The following DIDO1 variants were observed in gnomAD, a reference collection of about 807,000 sequenced individuals.
DIDO1 encodes the protein death inducer-obliterator 1.
A neutral mutation model predicts 99.4 loss-of-function variants in DIDO1; 16 were observed. That is an observed-to-expected ratio of 0.16 (90% CI 0.11 to 0.24). The LOEUF is 0.24. Among genes scored for constraint, DIDO1 ranks in the 10% least tolerant of loss-of-function variants. The probability of loss-of-function intolerance (pLI) is 1.00; values close to 1 mark genes in which losing one functional copy is unlikely to be tolerated. For synonymous variants in DIDO1, 1,366 were observed against 1,239.1 expected, an observed-to-expected ratio of 1.10 and a Z score of -2.15; for missense variants, 2,996 against 3,014.0, an observed-to-expected ratio of 0.99 and a Z score of 0.14.
In DIDO1 at chr20:62,909,813, A is replaced by T. The variant is rs760823584; in HGVS notation, c.1047T>A (p.Asp349Glu). ...KWRPGDADGT[D>E]CTSIGTIEQK... ...GCTCTATTGTTCCTATACTTGTACA[A>T]TCGGTGCCATCAGCATCTCCAGGTC... The change falls in exon 4 of 16, where the codon GAT (aspartate) becomes GAA (glutamate). Residue 349 changes from aspartate to glutamate, a missense_variant. Asp to Glu is a conservative substitution (Grantham distance 45). Coordinates refer to ENST00000395343, the MANE Select transcript of DIDO1 (RefSeq NM_001193369.2). 21 of 1,614,166 alleles carry T rather than the reference A, an allele frequency of 1.3e-5. No individual in the cohort carries two copies. The highest frequency in any genetic ancestry group is 1.7e-5 in the Non-Finnish European group (20 of 1,180,022).
Position 62,894,524 on chromosome 20 carries a change from C to A in DIDO1, c.2461G>T (p.Val821Phe). The A allele has an allele frequency of 6.2e-7, 1 of 1,612,686 alleles. No homozygotes were observed. The highest frequency in any genetic ancestry group is 1.1e-5 in the South Asian group (1 of 91,048). The change falls in exon 11 of 16, where the codon GTC becomes TTC. Residue 821 changes from valine (V) to phenylalanine (F), a missense_variant. By Grantham distance (50) the Val-to-Phe change is conservative. Around this residue, in one of 5 missense-constraint regions of DIDO1, gnomAD observed 898 missense variants for 972.7 expected, o/e 0.92. Transcript: ENST00000395343. This position sits in a 1 kb window ranked among gnomAD's most constrained non-coding sequence, Gnocchi z 4.4. The part of the protein sequence containing the change: ...SEEQQESARA[V>F]PEKSTAPLLD... ...AGCGGCGCTGTGCTCTTCTCAGGGA[C>A]AGCACGTGCTGACTCTTGCTGTTCC... is the stretch of plus-strand genomic sequence containing the variant.
chr20:62,909,695 T>C lies in DIDO1; in HGVS notation c.1161+4A>G. The stretch of plus-strand genomic sequence containing the variant: ...AATGCTCGTCTCAGCGGACAAACAC[T>C]TACAGGCTGGAAGATCTTGAGTTTC... On this transcript the variant is annotated splice_donor_region_variant and intron_variant, in intron 4 of 15. Coordinates refer to ENST00000395343, the MANE Select transcript of DIDO1 (RefSeq NM_001193369.2). 1 of 1,612,484 alleles carries C rather than the reference T, an allele frequency of 6.2e-7. No homozygotes were observed. The highest frequency in any genetic ancestry group is 8.5e-7 in the Non-Finnish European group (1 of 1,178,672).
chr20:62,911,049 C>T lies in DIDO1; in HGVS notation c.564G>A (p.Leu188=). 4 of 1,613,808 alleles carry T rather than the reference C, an allele frequency of 2.5e-6. No individual in the cohort carries two copies. The highest frequency in any genetic ancestry group is 3.4e-6 in the Non-Finnish European group (4 of 1,180,022). ...ERPLKGIQSR[L]RKKRREEGPA... ...GACCCTCCTCCCGGCGCTTCTTCCG[C>T]AGGCGACTCTGGATCCCTTTCAGGG... Residue 188 remains leucine (L), a synonymous_variant, in exon 3 of 16, where the codon CTG becomes CTA. Coordinates refer to ENST00000395343, the MANE Select transcript of DIDO1 (RefSeq NM_001193369.2). The surrounding 1 kb of genome is among the most constrained non-coding windows in gnomAD (Gnocchi z 7.0).
Position 62,904,363 on chromosome 20 carries a change from T to C in DIDO1, c.1588+1524A>G, listed in dbSNP as rs1288814363. On this transcript the variant is annotated intron_variant, in intron 6 of 15. Transcript: ENST00000395343. ...AAACAATGTAAGGTATCGAGATTCA[T>C]TATAATGCAGCAATTGCATGATTCA... Among the ~76,000 whole-genome samples, 4 of 152,226 alleles carry C rather than the reference T, an allele frequency of 2.6e-5. No homozygotes were observed. In the East Asian group the frequency reaches 5.8e-4, roughly 22 times the overall value.
At chr20:62,895,010 G>A (rs556906189) in intron 9 of DIDO1, 39 bp downstream of exon 9, 21 of 1,596,290 alleles carry the variant, frequency 1.3e-5, no homozygotes, top group Middle Eastern at 1.7e-4. Flanking sequence ...TATTAAGCTC[G>A]AGTCCTGGGT....
Position 62,896,658 on chromosome 20 carries a change from C to CCACT in DIDO1, c.1923_1926dup (p.Val643SerfsTer47). On this transcript the variant is annotated frameshift_variant, in exon 7 of 16. Coordinates refer to ENST00000395343, the MANE Select transcript of DIDO1 (RefSeq NM_001193369.2). LOFTEE classifies it high-confidence loss of function. This position sits in a 1 kb window ranked among gnomAD's most constrained non-coding sequence, Gnocchi z 4.4. ...GGCGAGGCCATTGGAACAGAAGGTA[C>CCACT]CACTGGCTTCCTTACGGCTCCCACC... 6.2e-7 allele frequency: 1 copy of CCACT among 1,614,112 alleles called. No individual in the cohort carries two copies. Among genetic ancestry groups the CCACT allele is most frequent in the Non-Finnish European group, 8.5e-7 (1 of 1,180,006 alleles).
chr20:62,884,036 G>C (rs2064255608), intron 15 of DIDO1, among the ~76,000 whole-genome samples: 1 of 152,072 alleles, frequency 6.6e-6, no homozygotes, highest in Non-Finnish European at 1.5e-5. Flanking sequence ...TTTGGGTTTA[G>C]AAATTCAGTG....
rs2064198004 is a variant in DIDO1, at chr20:62,881,190, G to A, written c.4766C>T (p.Ala1589Val). Residue 1589 changes from alanine to valine, a missense_variant, in exon 16 of 16, where the codon GCC (alanine) becomes GTC (valine). Around this residue, in one of 5 missense-constraint regions of DIDO1, gnomAD observed 1,562 missense variants for 1,412.6 expected, o/e 1.11. Transcript: ENST00000395343. The surrounding 1 kb of genome is among the most constrained non-coding windows in gnomAD (Gnocchi z 8.3). ...SRLSARGAQG[A>V]LPERDASRGG... ...CCTGGAAGCATCTCTCTCGGGCAGGGCACCCTGGGCACCACGTGCCGAGAG... is the reference window on the plus strand; with the variant it reads ...CCTGGAAGCATCTCTCTCGGGCAGGACACCCTGGGCACCACGTGCCGAGAG... The A allele has an allele frequency of 6.2e-7, 1 of 1,607,204 alleles. No homozygotes were observed.
chr20:62,922,113 C>T (rs945326744), intron 1 of DIDO1, among the ~76,000 whole-genome samples: 2 of 124,636 alleles, frequency 1.6e-5, no homozygotes, highest in Admixed American at 7.7e-5. Context: ...TATATATACA[C>T]ACACACACAC....
intron 15 of DIDO1, chr20:62,888,078 G>A: frequency 1.0e-6 from 1 of 985,588 alleles, no homozygotes; most frequent in Non-Finnish European, 1.2e-6. Flanking sequence ...AGGGCCAAGT[G>A]CTGACAGGGC....
chr20:62,917,290 C>CA (rs1443951743), intron 1 of DIDO1, among the ~76,000 whole-genome samples: 1 of 152,152 alleles, frequency 6.6e-6, no homozygotes, highest in Non-Finnish European at 1.5e-5. Flanking sequence ...CTCCGCCTTC[C>CA]AAAGTGCTGG....
chr20:62,879,473 G>C lies in DIDO1; in HGVS notation c.6483C>G (p.Arg2161=). 1 of 1,577,088 alleles carries C rather than the reference G, an allele frequency of 6.3e-7. No individual in the cohort carries two copies. The highest frequency in any genetic ancestry group is 8.6e-7 in the Non-Finnish European group (1 of 1,168,730). Residue 2161 remains arginine (R), a synonymous_variant, in exon 16 of 16, where the codon CGC becomes CGG. Coordinates refer to ENST00000395343, the MANE Select transcript of DIDO1 (RefSeq NM_001193369.2). The surrounding 1 kb of genome is among the most constrained non-coding windows in gnomAD (Gnocchi z 6.3). Reference sequence around the variant, plus strand: ...CCCACTCCTTGCCCCGGTCGGCCTCGCGCTCTCGGTCGCGGTTGGCGCTCC... The same window carrying C: ...CCCACTCCTTGCCCCGGTCGGCCTCCCGCTCTCGGTCGCGGTTGGCGCTCC... The part of the protein sequence containing the change: ...RERSANRDRE[R]EADRGKEWDR...
Position 62,920,671 on chromosome 20 carries a change from GC to G in DIDO1, c.-200+5767del, listed in dbSNP as rs574456028. 7.0e-4 allele frequency among the ~76,000 whole-genome samples: 106 copies of G among 152,344 alleles called. 1 individual carries two copies. The South Asian group carries it at 0.021, about 30-fold the overall frequency. On this transcript the variant is annotated intron_variant, in intron 1 of 15. Transcript: ENST00000395343. ...GGAGGCCCCCGGATCAAAGCAGTCTGCACAACACCAACATTCCATGCTGTTT... is the reference window on the plus strand; with the variant it reads ...GGAGGCCCCCGGATCAAAGCAGTCTGACAACACCAACATTCCATGCTGTTT...
chr20:62,894,893 G>C lies in DIDO1; in HGVS notation c.2353C>G (p.Leu785Val). 6.2e-7 allele frequency: 1 copy of C among 1,614,090 alleles called. No homozygotes were observed. The highest frequency in any genetic ancestry group is 8.5e-7 in the Non-Finnish European group (1 of 1,180,034). Residue 785 changes from leucine (L) to valine (V), a missense_variant, in exon 10 of 16, where the codon CTG becomes GTG. Physicochemically the swap from Leu to Val is conservative, Grantham distance 32 (BLOSUM62 1). Transcript: ENST00000395343. This position sits in a 1 kb window ranked among gnomAD's most constrained non-coding sequence, Gnocchi z 4.4. ...GCCGTCTTCTTGCTTTCATTGTGCA[G>C]TTTAGTTCTGGACTCCATCACCTGA... ...ARSVMESRTK[L>V]HNESKKTAPR... is the part of the protein sequence containing the mutation.
upstream of DIDO1, chr20:62,928,692 T>A (rs2065292708): frequency 6.6e-6 from 1 of 152,224 alleles, no homozygotes; most frequent in South Asian, 2.1e-4. Flanking sequence ...GTTGTTTCAA[T>A]AAATTGTTCC....
chr20:62,884,646 G>A (rs973789175), intron 15 of DIDO1, among the ~76,000 whole-genome samples: 1 of 152,234 alleles, frequency 6.6e-6, no homozygotes, highest in Admixed American at 6.5e-5. Context: ...GACAGGCTGA[G>A]CACGGAAGAT....
Position 62,896,349 on chromosome 20 carries a change from C to T in DIDO1, c.2098G>A (p.Gly700Arg). 1 of 1,614,060 alleles carries T rather than the reference C, an allele frequency of 6.2e-7. No homozygotes were observed. Among genetic ancestry groups the T allele is most frequent in the Non-Finnish European group, 8.5e-7 (1 of 1,180,016 alleles). The change falls in exon 8 of 16, where the codon GGA becomes AGA. Residue 700 changes from glycine to arginine, a missense_variant. This residue lies in a region of DIDO1 where 898 missense variants were observed against 972.7 expected (regional missense o/e 0.92). Coordinates refer to ENST00000395343, the MANE Select transcript of DIDO1 (RefSeq NM_001193369.2). The surrounding 1 kb of genome is among the most constrained non-coding windows in gnomAD (Gnocchi z 4.4). ...TTCTCAATATGGAGGGCAATTTTTC[C>T]TACTTCGTTTTCTGTCATGATTAAG... Reference protein sequence around the residue: ...DDLIMTENEVGKIALHIEKEM... With the variant: ...DDLIMTENEVRKIALHIEKEM...
Position 62,882,053 on chromosome 20 carries a change from G to A in DIDO1, c.3903C>T (p.Ser1301=). ...TTTTGGAAGCAGACGAAGCGGTGGAGGAAGCTGCCGTGGAGGCTGCCGCTG... is the reference window on the plus strand; with the variant it reads ...TTTTGGAAGCAGACGAAGCGGTGGAAGAAGCTGCCGTGGAGGCTGCCGCTG... ...TTAAAASTAA[S]STASSASKTA... The change falls in exon 16 of 16, where the codon TCC becomes TCT. Residue 1301 remains serine, a synonymous_variant. Coordinates refer to ENST00000395343, the MANE Select transcript of DIDO1 (RefSeq NM_001193369.2). 2 of 1,613,600 alleles carry A rather than the reference G, an allele frequency of 1.2e-6. No homozygotes were observed. The highest frequency in any genetic ancestry group is 1.6e-4 in the Middle Eastern group (1 of 6,062).
At position 62,896,715 on chromosome 20, in the gene DIDO1, C is replaced by T. The variant is rs754855580; in HGVS notation, c.1870G>A (p.Ala624Thr). Residue 624 changes from alanine (A) to threonine (T), a missense_variant, in exon 7 of 16, where the codon GCC becomes ACC. Physicochemically the swap from Ala to Thr is moderately conservative, Grantham distance 58 (BLOSUM62 0). This residue lies in a region of DIDO1 where 898 missense variants were observed against 972.7 expected (regional missense o/e 0.92). Coordinates refer to ENST00000395343, the MANE Select transcript of DIDO1 (RefSeq NM_001193369.2). This position sits in a 1 kb window ranked among gnomAD's most constrained non-coding sequence, Gnocchi z 4.4. Reference protein sequence around the residue: ...AGPAPAAATAASKKFPGSAAL... With the variant: ...AGPAPAAATATSKKFPGSAAL... ...GCGGAGCCAGGGAACTTCTTGGAGGCAGCCGTTGCCGCTGCAGGTGCCGGT... is the reference window on the plus strand; with the variant it reads ...GCGGAGCCAGGGAACTTCTTGGAGGTAGCCGTTGCCGCTGCAGGTGCCGGT... 2 of 1,613,726 alleles carry T rather than the reference C, an allele frequency of 1.2e-6. No homozygotes were observed. The highest frequency in any genetic ancestry group is 1.1e-5 in the South Asian group (1 of 91,072).
Sources: gnomAD v4.1 joint callset for allele counts (sites outside exome capture counted in the v4.1 genomes callset) on GRCh38, gnomAD v4.1.1 for gene constraint, gnomAD v4.1.1 regional missense constraint, Gnocchi (gnomAD v3.1) non-coding constraint, MANE v1.5 for transcripts, NCBI Gene and HGNC (gene_info 2026-07-23, HGNC 2026-07-21) for gene names.